ROBO1: variants seen among roughly 807,000 people sequenced by gnomAD.
ROBO1 encodes roundabout guidance receptor 1.
ROBO1 carries 149 observed loss-of-function variants against 195.9 expected under a neutral mutation model. The ratio of observed to expected loss-of-function variants is 0.76; its 90% confidence interval spans 0.67 to 0.87. The LOEUF is 0.87. ROBO1 is among the 40% of genes least tolerant of loss of function. The pLI is 0.00. For synonymous variants in ROBO1, 816 were observed against 733.2 expected, an observed-to-expected ratio of 1.11 and a Z score of -1.82; for missense variants, 1,933 against 2,068.3, an observed-to-expected ratio of 0.93 and a Z score of 1.27.
At chr3:79,736,094 A>T (rs1046927934) in intron 1 of ROBO1, among the ~76,000 whole-genome samples, 1 of 152,160 alleles carries the variant, frequency 6.6e-6, no homozygotes, top group Non-Finnish European at 1.5e-5. Context: ...AGAGTGAGGA[A>T]CTCCTTTACA....
intron 2 of ROBO1, among the ~76,000 whole-genome samples, chr3:79,547,150 A>G (rs1024793425): frequency 1.6e-5 from 2 of 126,720 alleles, no homozygotes; most frequent in East Asian, 5.0e-4. Context: ...GTGCCACTGC[A>G]CTCCAGCCTG....
intron 2 of ROBO1, among the ~76,000 whole-genome samples, chr3:79,285,509 C>T (rs1478902259): frequency 6.6e-6 from 1 of 152,142 alleles, no homozygotes; most frequent in Admixed American, 6.5e-5. Context: ...TTAGCCGGCC[C>T]GTCATGGTCA....
chr3:78,616,788 T>A (rs1248886474), intron 27 of ROBO1, among the ~76,000 whole-genome samples: 1 of 152,182 alleles, frequency 6.6e-6, no homozygotes, highest in Non-Finnish European at 1.5e-5. Flanking sequence ...TATATATTAA[T>A]TCTACAGAAA....
intron 1 of ROBO1, among the ~76,000 whole-genome samples, chr3:79,717,758 C>T (rs1246670246): frequency 1.3e-5 from 2 of 151,882 alleles, no homozygotes; most frequent in Non-Finnish European, 2.9e-5. Flanking sequence ...TTCTGAAAAA[C>T]TTTAGAGAAA....
chr3:79,593,787 TA>T (rs1381638058), intron 1 of ROBO1, among the ~76,000 whole-genome samples: 1 of 151,924 alleles, frequency 6.6e-6, no homozygotes. Flanking sequence ...ATTTTTTAAA[TA>T]TTTTTTTTGG....
chr3:79,255,564 T>A (rs971470552), intron 2 of ROBO1, among the ~76,000 whole-genome samples: 1 of 152,184 alleles, frequency 6.6e-6, no homozygotes, highest in African/African-American at 2.4e-5. Context: ...AGTACCGATA[T>A]AAGCAAAACA....
At chr3:78,822,275 T>C (rs1450959566) in intron 4 of ROBO1, among the ~76,000 whole-genome samples, 2 of 152,124 alleles carry the variant, frequency 1.3e-5, no homozygotes, top group Non-Finnish European at 2.9e-5. Flanking sequence ...AAAGGGGATG[T>C]GTGGGGTGGA....
intron 2 of ROBO1, among the ~76,000 whole-genome samples, chr3:79,331,212 A>G (rs530054581): frequency 1.3e-5 from 2 of 152,350 alleles, no homozygotes; most frequent in Admixed American, 1.3e-4. Flanking sequence ...TAAGACCATA[A>G]AAATGTAAAT....
chr3:79,027,041 T>G (rs2078214703), intron 3 of ROBO1, among the ~76,000 whole-genome samples: 1 of 152,054 alleles, frequency 6.6e-6, no homozygotes, highest in Admixed American at 6.6e-5. Flanking sequence ...TTTACCTAGG[T>G]TTTAAGTTAT....
At chr3:79,698,941 T>C (rs1413491237) in intron 1 of ROBO1, among the ~76,000 whole-genome samples, 1 of 151,428 alleles carries the variant, frequency 6.6e-6, no homozygotes, top group Non-Finnish European at 1.5e-5. Context: ...CTTGCCATAT[T>C]TGATCACAAA....
chr3:78,955,971 T>C (rs903617297), intron 3 of ROBO1, among the ~76,000 whole-genome samples: 1 of 152,134 alleles, frequency 6.6e-6, no homozygotes, highest in Admixed American at 6.6e-5. Flanking sequence ...TCCTCATATC[T>C]TTCTCATTAT....
At chr3:79,233,896 G>A (rs569129976) in intron 2 of ROBO1, among the ~76,000 whole-genome samples, 56 of 152,098 alleles carry the variant, frequency 3.7e-4, no homozygotes, top group Non-Finnish European at 6.6e-4. Context: ...GTGTGAGATG[G>A]TGTCATGCTG....
At chr3:79,446,849 A>G (rs1320304034) in intron 2 of ROBO1, among the ~76,000 whole-genome samples, 1 of 152,166 alleles carries the variant, frequency 6.6e-6, no homozygotes, top group Non-Finnish European at 1.5e-5. Context: ...TTTGAGATGG[A>G]GTCTTCCTCT....
intron 4 of ROBO1, among the ~76,000 whole-genome samples, chr3:78,854,300 C>T (rs1373663763): frequency 6.8e-6 from 1 of 146,410 alleles, no homozygotes; most frequent in Non-Finnish European, 1.5e-5. Context: ...ATATATAAAA[C>T]TATAAATATA....
intron 1 of ROBO1, among the ~76,000 whole-genome samples, chr3:79,738,085 C>T (rs1404378770): frequency 2.0e-5 from 3 of 152,100 alleles, no homozygotes; most frequent in Admixed American, 2.0e-4. Flanking sequence ...AAAAGTTTCA[C>T]AGAGCCAATT....
At chr3:79,412,692 A>G (rs1293145803) in intron 2 of ROBO1, among the ~76,000 whole-genome samples, 3 of 152,074 alleles carry the variant, frequency 2.0e-5, no homozygotes, top group Non-Finnish European at 2.9e-5. Context: ...TTCAGAGAAT[A>G]CTGTATAAAG....
At chr3:79,394,675 A>G (rs1251044502) in intron 2 of ROBO1, among the ~76,000 whole-genome samples, 1 of 152,130 alleles carries the variant, frequency 6.6e-6, no homozygotes, top group Non-Finnish European at 1.5e-5. Context: ...TAATAATCTA[A>G]ATATAGATTC....
At chr3:79,111,847 A>G (rs540237868) in intron 3 of ROBO1, among the ~76,000 whole-genome samples, 1 of 152,266 alleles carries the variant, frequency 6.6e-6, no homozygotes, top group East Asian at 1.9e-4. Flanking sequence ...CTTAGACACA[A>G]ATGATGTTTT....
intron 3 of ROBO1, among the ~76,000 whole-genome samples, chr3:79,039,946 C>T (rs112081706): frequency 0.016 from 2,387 of 151,852 alleles, 73 homozygotes; most frequent in African/African-American, 0.055. Context: ...GAATGAGATA[C>T]TTAATACATA....
Sources: gnomAD v4.1 joint callset for allele counts (sites outside exome capture counted in the v4.1 genomes callset) on GRCh38, gnomAD v4.1.1 for gene constraint, MANE v1.5 for transcripts, NCBI Gene and HGNC (gene_info 2026-07-23, HGNC 2026-07-21) for gene names.